Variants in USP6NL observed in about 807,000 individuals in gnomAD.
The protein encoded by USP6NL is USP6 N-terminal-like protein.
In USP6NL, 26 loss-of-function variants were observed where a neutral mutation model predicts 61.9. That is an observed-to-expected ratio of 0.42 (90% confidence interval 0.31 to 0.58). The LOEUF (loss-of-function observed/expected upper bound fraction) is 0.58, where lower values mean the gene tolerates loss of function less well. Among genes scored for constraint, USP6NL ranks in the 20% least tolerant of loss-of-function variants. USP6NL has a pLI of 0.16. For missense variants in USP6NL, 1,114 were observed against 1,034.3 expected, an observed-to-expected ratio of 1.08 and a Z score of -1.06; for synonymous variants, 432 against 390.1, an observed-to-expected ratio of 1.11 and a Z score of -1.27.
chr10:11,525,298 T>G lies in USP6NL; in HGVS notation c.155+88A>C. On this transcript the variant is annotated intron_variant, in intron 4 of 14. Transcript: ENST00000609104. The surrounding 1 kb of genome is among the most constrained non-coding windows in gnomAD (Gnocchi z 5.0). ...TAAGACTATTCCTTATTCACAGCAATTATATTAAAAATAAAGAAAATCAAT... is the reference window on the plus strand; with the variant it reads ...TAAGACTATTCCTTATTCACAGCAAGTATATTAAAAATAAAGAAAATCAAT... The G allele has an allele frequency of 9.2e-7, 1 of 1,082,568 alleles. No individual in the cohort carries two copies. Among genetic ancestry groups the G allele is most frequent in the Non-Finnish European group, 1.3e-6 (1 of 758,266 alleles). 67.1% of individuals were successfully genotyped at this position (1,082,568 alleles called of 1,614,324 possible). A position where few individuals can be genotyped will look rare whatever the true frequency, so the allele number is the denominator to read the frequency against.
chr10:11,568,150 TGTG>T (rs1435626037), intron 2 of USP6NL, among the ~76,000 whole-genome samples: 3 of 39,146 alleles, frequency 7.7e-5, no homozygotes, highest in Non-Finnish European at 1.4e-4. Flanking sequence ...GGGAGGTAGT[TGTG>T]TGTGTGTGTG....
At chr10:11,473,373 T>C (rs1421612001) in intron 14 of USP6NL, among the ~76,000 whole-genome samples, 1 of 152,166 alleles carries the variant, frequency 6.6e-6, no homozygotes, top group Non-Finnish European at 1.5e-5. Flanking sequence ...GACAAAAGCA[T>C]GTGTAGTGGA....
intron 6 of USP6NL, among the ~76,000 whole-genome samples, chr10:11,502,130 G>A (rs1310741922): frequency 6.6e-6 from 1 of 151,906 alleles, no homozygotes; most frequent in Admixed American, 6.6e-5. Flanking sequence ...ATGGTGGTGG[G>A]TGCCTGTAGT....
chr10:11,568,693 T>C (rs1837255782), intron 2 of USP6NL, among the ~76,000 whole-genome samples: 1 of 152,200 alleles, frequency 6.6e-6, no homozygotes, highest in South Asian at 2.1e-4. Context: ...TGTTCCTTAG[T>C]GTCACTGGTG....
intron 2 of USP6NL, among the ~76,000 whole-genome samples, chr10:11,550,020 G>C (rs972147795): frequency 6.6e-6 from 1 of 152,212 alleles, no homozygotes; most frequent in Non-Finnish European, 1.5e-5. Context: ...CAACATAATT[G>C]AAGTGGGGAG....
rs561841001 is a variant in USP6NL at position 11,474,210 on chromosome 10, T to C, written c.1078+7560A>G. On this transcript the variant is annotated intron_variant, in intron 14 of 14. Coordinates refer to ENST00000609104, the MANE Select transcript of USP6NL (RefSeq NM_014688.5). This position sits in a 1 kb window ranked among gnomAD's most constrained non-coding sequence, Gnocchi z 4.9. Reference sequence around the variant, plus strand: ...AGGAATCTGTTTGTATTTAGAATTTTCTGTGTTTTATATATTTATATTTCA... The same window carrying C: ...AGGAATCTGTTTGTATTTAGAATTTCCTGTGTTTTATATATTTATATTTCA... 3.9e-5 allele frequency among the ~76,000 whole-genome samples: 6 copies of C among 152,378 alleles called. No homozygotes were observed. The South Asian group carries it at 1.0e-3, about 26-fold the overall frequency.
rs534600078 is a variant in USP6NL at position 11,547,502 on chromosome 10, T to C, written c.5-19935A>G. Among the ~76,000 whole-genome samples the C allele has an allele frequency of 1.2e-4, 19 of 152,140 alleles. No homozygotes were observed. In the East Asian group the frequency reaches 3.5e-3, roughly 28 times the overall value. ...TCCTGCCCAGCTCATAAAATTCTTG[T>C]GAAGATCACATTTAATCAAGCTCAT... On this transcript the variant is annotated intron_variant, in intron 2 of 14. Coordinates refer to ENST00000609104, the MANE Select transcript of USP6NL (RefSeq NM_014688.5).
At chr10:11,467,414 G>C (rs1456059329) in intron 14 of USP6NL, among the ~76,000 whole-genome samples, 1 of 152,150 alleles carries the variant, frequency 6.6e-6, no homozygotes, top group Non-Finnish European at 1.5e-5. Flanking sequence ...TGAAATGTTT[G>C]ATCTAGGAAT....
At chr10:11,566,691 A>G (rs908662575) in intron 2 of USP6NL, among the ~76,000 whole-genome samples, 2 of 152,190 alleles carry the variant, frequency 1.3e-5, no homozygotes, top group African/African-American at 4.8e-5. Context: ...TGAGGAACTA[A>G]ATTTTTTATT....
At chr10:11,523,186 T>C (rs1301434265) in intron 4 of USP6NL, among the ~76,000 whole-genome samples, 1 of 152,234 alleles carries the variant, frequency 6.6e-6, no homozygotes, top group Non-Finnish European at 1.5e-5. Context: ...ATATTCAGAT[T>C]GCCAAATACA....
chr10:11,583,275 G>A (rs1385797653), intron 2 of USP6NL, among the ~76,000 whole-genome samples: 2 of 146,636 alleles, frequency 1.4e-5, no homozygotes, highest in Non-Finnish European at 1.5e-5. Flanking sequence ...TGCAAGCTCC[G>A]CCTCCCGGGT....
intron 14 of USP6NL, among the ~76,000 whole-genome samples, chr10:11,464,931 A>G (rs1832384764): frequency 6.6e-6 from 1 of 152,272 alleles, no homozygotes; most frequent in Non-Finnish European, 1.5e-5. Context: ...TAGCAAGTCA[A>G]GAATACTTCA....
chr10:11,584,584 C>T (rs1029472094), intron 2 of USP6NL, among the ~76,000 whole-genome samples: 36 of 152,116 alleles, frequency 2.4e-4, no homozygotes, highest in African/African-American at 8.2e-4. Context: ...TCTGCCTTTT[C>T]GGTATACTAT....
At position 11,540,316 on chromosome 10, in the gene USP6NL, T is replaced by C. The variant is rs939269638; in HGVS notation, c.5-12749A>G. Among the ~76,000 whole-genome samples, 1 of 152,226 alleles carries C rather than the reference T, an allele frequency of 6.6e-6. No homozygotes were observed. Among genetic ancestry groups the C allele is most frequent in the Non-Finnish European group, 1.5e-5 (1 of 68,030 alleles). The stretch of plus-strand genomic sequence containing the variant: ...ATATTATGTTTTAAGTTGTGTGTTT[T>C]AGGATAATAACAAGAAATGATCTGG... On this transcript the variant is annotated intron_variant, in intron 2 of 14. Transcript: ENST00000609104. The surrounding 1 kb of genome is among the most constrained non-coding windows in gnomAD (Gnocchi z 5.0).
chr10:11,469,329 A>T (rs1226184883), intron 14 of USP6NL, among the ~76,000 whole-genome samples: 1 of 152,192 alleles, frequency 6.6e-6, no homozygotes, highest in Non-Finnish European at 1.5e-5. Flanking sequence ...ATGTTCGTTC[A>T]CTCAACTATT....
At chr10:11,536,496 A>G (rs1835837636) in intron 2 of USP6NL, among the ~76,000 whole-genome samples, 1 of 152,254 alleles carries the variant, frequency 6.6e-6, no homozygotes, top group African/African-American at 2.4e-5. Context: ...AGGTTTAGAC[A>G]ATCAATAGCT....
rs747224475 is a variant in USP6NL, at chr10:11,600,050, T to C, written c.-83-2333A>G. Among the ~76,000 whole-genome samples the C allele has an allele frequency of 7.8e-4, 118 of 152,094 alleles. 3 individuals carry two copies. Among genetic ancestry groups the C allele is most frequent in the Admixed American group, 5.6e-3 (85 of 15,272 alleles). On this transcript the variant is annotated intron_variant, in intron 1 of 14. Coordinates refer to ENST00000609104, the MANE Select transcript of USP6NL (RefSeq NM_014688.5). This position sits in a 1 kb window ranked among gnomAD's most constrained non-coding sequence, Gnocchi z 4.1. ...CACAGGAGAAAATGTTTAGACTCCC[T>C]TTCTCCTCCCCTAAATGCTACTTTT...
rs1316181801 is a variant in USP6NL at position 11,585,251 on chromosome 10, T to C, written c.4+12380A>G. ...TGGAGAAAATGGAATCCTTGAGCAA[T>C]GTAAGCCGGTGCAACCACTATGGAA... is the stretch of plus-strand genomic sequence containing the variant. On this transcript the variant is annotated intron_variant, in intron 2 of 14. Transcript: ENST00000609104. The surrounding 1 kb of genome is among the most constrained non-coding windows in gnomAD (Gnocchi z 4.5). Among the ~76,000 whole-genome samples the C allele has an allele frequency of 6.6e-6, 1 of 152,152 alleles. No homozygotes were observed. Among genetic ancestry groups the C allele is most frequent in the Non-Finnish European group, 1.5e-5 (1 of 68,016 alleles).
Position 11,555,451 on chromosome 10 carries a change from T to TATATAGAG in USP6NL, c.5-27885_5-27884insCTCTATAT, listed in dbSNP as rs1427219382. Among the ~76,000 whole-genome samples the TATATAGAG allele has an allele frequency of 1.3e-4, 8 of 61,002 alleles. No individual in the cohort carries two copies. The East Asian group carries it at 2.9e-3, about 22-fold the overall frequency. The allele number at this position is 61,002 out of a possible 152,430, so 40.0% of individuals were successfully genotyped here. ...AAAAAAAAATATATATATATATATATAGAGAGAGAGAGAGAGAGAAAGAGA... is the reference window on the plus strand; with the variant it reads ...AAAAAAAAATATATATATATATATATATATAGAGAGAGAGAGAGAGAGAGAGAAAGAGA... On this transcript the variant is annotated intron_variant, in intron 2 of 14. Coordinates refer to ENST00000609104, the MANE Select transcript of USP6NL (RefSeq NM_014688.5).
Sources: allele counts gnomAD v4.1 joint callset (sites outside exome capture counted in the v4.1 genomes callset), GRCh38; gene constraint gnomAD v4.1.1; non-coding constraint Gnocchi (gnomAD v3.1); transcripts MANE v1.5; gene names NCBI Gene and HGNC (gene_info 2026-07-23, HGNC 2026-07-21).